GNG7: variants seen among roughly 807,000 people sequenced by gnomAD.
The protein encoded by GNG7 is guanine nucleotide-binding protein G(I)/G(S)/G(O) subunit gamma-7.
Under a neutral mutation model 4.0 loss-of-function variants are expected in GNG7, and 1 was observed. That is an observed-to-expected ratio of 0.25 (90% confidence interval 0.09 to 1.18). The LOEUF is 1.18. GNG7 is among the 50% of genes most tolerant of loss of function. The pLI, the probability that GNG7 is intolerant of heterozygous loss-of-function variation, is 0.50. For missense variants in GNG7, 86 were observed against 91.9 expected, an observed-to-expected ratio of 0.94 and a Z score of 0.26; for synonymous variants, 34 against 36.9, an observed-to-expected ratio of 0.92 and a Z score of 0.29.
chr19:2,599,765 C>T (rs572468892), intron 2 of GNG7, among the ~76,000 whole-genome samples: 18 of 152,034 alleles, frequency 1.2e-4, no homozygotes, highest in Middle Eastern at 3.4e-3. Context: ...GGCGAAACCC[C>T]GTCTCTACTA....
In GNG7 at chr19:2,624,720, A is replaced by G. The variant is rs142693658; in HGVS notation, c.-78+21504T>C. Among the ~76,000 whole-genome samples the G allele has an allele frequency of 3.7e-3, 559 of 152,084 alleles. 5 individuals carry two copies. Among genetic ancestry groups the G allele is most frequent in the African/African-American group, 0.013 (534 of 41,570 alleles). ...CTATTCCTAGCAGCTCCTGACCTGC[A>G]GGAGGCTGAGCCCAGCAGTGCCTTC... On this transcript the variant is annotated intron_variant, in intron 2 of 4. Transcript: ENST00000382159.
At chr19:2,686,741 CT>C (rs921005349) in intron 1 of GNG7, among the ~76,000 whole-genome samples, 14 of 150,850 alleles carry the variant, frequency 9.3e-5, no homozygotes, top group Non-Finnish European at 1.8e-4. Flanking sequence ...ACTTTACTTA[CT>C]TTTTTTCTTT....
chr19:2,670,102 G>A (rs1029786168), intron 1 of GNG7, among the ~76,000 whole-genome samples: 33 of 151,620 alleles, frequency 2.2e-4, no homozygotes, highest in African/African-American at 8.0e-4. Context: ...CAAGGCCTCT[G>A]ACTGTTTTCT....
In GNG7 at chr19:2,626,742, G is replaced by A. The variant is rs1982031981; in HGVS notation, c.-78+19482C>T. Among the ~76,000 whole-genome samples the A allele has an allele frequency of 6.6e-6, 1 of 152,136 alleles. No homozygotes were observed. The highest frequency in any genetic ancestry group is 2.4e-5 in the African/African-American group (1 of 41,428). Reference sequence around the variant, plus strand: ...CAGGGGACACTGGGCGGTGTCGGGGGACATCTGTAATTGTCATGACGGAGG... The same window carrying A: ...CAGGGGACACTGGGCGGTGTCGGGGAACATCTGTAATTGTCATGACGGAGG... On this transcript the variant is annotated intron_variant, in intron 2 of 4. Transcript: ENST00000382159. The surrounding 1 kb of genome is among the most constrained non-coding windows in gnomAD (Gnocchi z 5.0).
intron 1 of GNG7, among the ~76,000 whole-genome samples, chr19:2,646,850 T>C (rs1488165493): frequency 1.3e-5 from 2 of 152,160 alleles, no homozygotes; most frequent in African/African-American, 4.8e-5. Flanking sequence ...ATCAAAAACA[T>C]CTCTGTACAT....
chr19:2,556,396 C>T (rs1386861913), intron 2 of GNG7, among the ~76,000 whole-genome samples: 1 of 152,210 alleles, frequency 6.6e-6, no homozygotes, highest in Non-Finnish European at 1.5e-5. Context: ...GCCGGGTTCA[C>T]GTGGCCAAGG....
At chr19:2,699,100 C>G (rs1913337889) in intron 1 of GNG7, among the ~76,000 whole-genome samples, 1 of 151,280 alleles carries the variant, frequency 6.6e-6, no homozygotes, top group South Asian at 2.1e-4. Context: ...TAAATCAGTA[C>G]TAAGTGTTCA....
At chr19:2,577,649 C>T (rs980272805) in intron 2 of GNG7, among the ~76,000 whole-genome samples, 2 of 142,664 alleles carry the variant, frequency 1.4e-5, no homozygotes, top group Non-Finnish European at 3.0e-5. Flanking sequence ...TGCAGTGAGC[C>T]GAGATCACGC....
At chr19:2,566,080 C>T (rs547023256) in intron 2 of GNG7, among the ~76,000 whole-genome samples, 49 of 152,212 alleles carry the variant, frequency 3.2e-4, no homozygotes, top group African/African-American at 1.1e-3. Context: ...ATCGCTTGAA[C>T]CTGGGAGGCG....
At chr19:2,601,731 T>G (rs1256037836) in intron 2 of GNG7, among the ~76,000 whole-genome samples, 2 of 151,622 alleles carry the variant, frequency 1.3e-5, no homozygotes, top group Non-Finnish European at 2.9e-5. Flanking sequence ...CTGAGCAACA[T>G]GGCGAGACCC....
intron 3 of GNG7, among the ~76,000 whole-genome samples, chr19:2,535,271 T>C (rs1978698436): frequency 6.6e-6 from 1 of 150,390 alleles, no homozygotes; most frequent in Admixed American, 6.7e-5. Context: ...GGAGGATCAC[T>C]TGAGCCCAAG....
At chr19:2,668,618 A>G (rs1015614921) in intron 1 of GNG7, among the ~76,000 whole-genome samples, 4 of 152,178 alleles carry the variant, frequency 2.6e-5, no homozygotes, top group Admixed American at 6.5e-5. Context: ...GCAGCGCTCA[A>G]TGAATGCCTG....
chr19:2,594,097 A>G (rs2144804393), intron 2 of GNG7, among the ~76,000 whole-genome samples: 1 of 152,204 alleles, frequency 6.6e-6, no homozygotes, highest in East Asian at 1.9e-4. Context: ...AAGGCCGGGC[A>G]CAGTGGCTCA....
At chr19:2,532,282 T>G (rs1179455477) in intron 3 of GNG7, among the ~76,000 whole-genome samples, 1 of 152,154 alleles carries the variant, frequency 6.6e-6, no homozygotes, top group African/African-American at 2.4e-5. Context: ...AAGATGAGAT[T>G]GGAATTTTCG....
intron 3 of GNG7, chr19:2,538,266 G>A (rs1199018048): frequency 8.8e-6 from 4 of 456,568 alleles, no homozygotes; most frequent in Non-Finnish European, 1.8e-5. Flanking sequence ...AGGTCAGTCT[G>A]CTGAGAATGA....
intron 3 of GNG7, among the ~76,000 whole-genome samples, chr19:2,521,460 G>A (rs965118616): frequency 1.3e-5 from 2 of 151,894 alleles, no homozygotes; most frequent in Non-Finnish European, 2.9e-5. Flanking sequence ...GAGTGGGTTG[G>A]GTGGAGGCCA....
At position 2,513,073 on chromosome 19, in the gene GNG7, C is replaced by T. The variant is rs746539625; in HGVS notation, c.*1949G>A. 53 of 985,440 alleles carry T rather than the reference C, an allele frequency of 5.4e-5. No individual in the cohort carries two copies. Among genetic ancestry groups the T allele is most frequent in the African/African-American group, 7.0e-5 (4 of 57,236 alleles). 61.0% of individuals were successfully genotyped at this position (985,440 alleles called of 1,614,324 possible). Reference sequence around the variant, plus strand: ...AGCTGGGTGCCGGGGGTGGGGAGCCCGGCTGTGGCCTGTGGGAGCTGCCCG... The same window carrying T: ...AGCTGGGTGCCGGGGGTGGGGAGCCTGGCTGTGGCCTGTGGGAGCTGCCCG... On this transcript the variant is annotated 3_prime_UTR_variant, in exon 5 of 5. Coordinates refer to ENST00000382159, the MANE Select transcript of GNG7 (RefSeq NM_052847.3).
rs1477486089 is a variant in GNG7, at chr19:2,557,824, G to C, written c.-77-2636C>G. Among the ~76,000 whole-genome samples the C allele has an allele frequency of 1.3e-5, 2 of 152,096 alleles. No homozygotes were observed. Among genetic ancestry groups the C allele is most frequent in the Non-Finnish European group, 1.5e-5 (1 of 68,006 alleles). On this transcript the variant is annotated intron_variant, in intron 2 of 4. Transcript: ENST00000382159. This position sits in a 1 kb window ranked among gnomAD's most constrained non-coding sequence, Gnocchi z 5.1. ...CTCCTTATTCTGATGGGGTGACTCG[G>C]TGCATTTCTCTCTCAGGCTTACTTT... is the stretch of plus-strand genomic sequence containing the variant.
chr19:2,564,887 T>TA (rs1979853189), intron 2 of GNG7, among the ~76,000 whole-genome samples: 1 of 29,286 alleles, frequency 3.4e-5, no homozygotes, highest in Non-Finnish European at 6.8e-5. Flanking sequence ...CATTGGTCAT[T>TA]TAAAAAAAAA....
Sources: gnomAD v4.1 joint callset for allele counts (sites outside exome capture counted in the v4.1 genomes callset) on GRCh38, gnomAD v4.1.1 for gene constraint, Gnocchi (gnomAD v3.1) non-coding constraint, MANE v1.5 for transcripts, NCBI Gene and HGNC (gene_info 2026-07-23, HGNC 2026-07-21) for gene names.